The following ERBB4 variants were observed in gnomAD, a reference collection of about 807,000 sequenced individuals.
ERBB4 encodes the protein receptor tyrosine-protein kinase erbB-4.
A neutral mutation model predicts 158.0 loss-of-function variants in ERBB4; 42 were observed. That is an observed-to-expected ratio of 0.27 (90% CI 0.21 to 0.34). ERBB4 has a LOEUF of 0.34. Among genes scored for constraint, ERBB4 ranks in the 10% least tolerant of loss-of-function variants. The pLI is 1.00. For missense variants in ERBB4, 1,333 were observed against 1,624.1 expected, an observed-to-expected ratio of 0.82 and a Z score of 3.08; for synonymous variants, 583 against 558.7, an observed-to-expected ratio of 1.04 and a Z score of -0.61.
chr2:211,472,772 C>T (rs2064859299), intron 20 of ERBB4, among the ~76,000 whole-genome samples: 1 of 152,106 alleles, frequency 6.6e-6, no homozygotes, highest in East Asian at 1.9e-4. Flanking sequence ...CTCAGTGCTT[C>T]TCAAACTTGA....
intron 1 of ERBB4, among the ~76,000 whole-genome samples, chr2:212,267,668 A>C (rs1214185445): frequency 6.9e-6 from 1 of 143,968 alleles, no homozygotes; most frequent in East Asian, 2.0e-4. Context: ...TTACATATGT[A>C]TACATGTGCC....
rs185939550 is a variant in ERBB4, at chr2:212,269,968, G to A, written c.83-145065C>T. ...CTCCGTAGTTTTTTTCTTTACTGTT[G>A]TGTGTGCTTAGTGACTATAGCACAG... On this transcript the variant is annotated intron_variant, in intron 1 of 27. Coordinates refer to ENST00000342788, the MANE Select transcript of ERBB4 (RefSeq NM_005235.3). Among the ~76,000 whole-genome samples the A allele has an allele frequency of 7.9e-5, 12 of 151,662 alleles. No homozygotes were observed. The East Asian group carries it at 1.8e-3, about 22-fold the overall frequency.
intron 1 of ERBB4, among the ~76,000 whole-genome samples, chr2:212,237,919 C>T (rs62182610): frequency 0.15 from 23,500 of 152,150 alleles, 2,242 homozygotes; most frequent in Non-Finnish European, 0.2. Context: ...ATAGCGGACG[C>T]CCCTCCCCCA....
intron 20 of ERBB4, among the ~76,000 whole-genome samples, chr2:211,553,328 G>A (rs2067154068): frequency 6.6e-6 from 1 of 152,054 alleles, no homozygotes; most frequent in Admixed American, 6.5e-5. Context: ...AGCATCCTAG[G>A]AACCTGTGTA....
chr2:211,803,048 C>T (rs1311215851), intron 3 of ERBB4, among the ~76,000 whole-genome samples: 10 of 152,124 alleles, frequency 6.6e-5, no homozygotes, highest in Non-Finnish European at 1.5e-5. Flanking sequence ...ATGTAGACAT[C>T]CTAAAGTGTA....
chr2:211,872,218 G>C (rs1469322354), intron 3 of ERBB4, among the ~76,000 whole-genome samples: 1 of 152,126 alleles, frequency 6.6e-6, no homozygotes, highest in Non-Finnish European at 1.5e-5. Flanking sequence ...GTTAGTATTT[G>C]ATCTTGTTAT....
chr2:211,701,733 G>GT (rs1278953445), intron 12 of ERBB4, among the ~76,000 whole-genome samples: 2 of 138,230 alleles, frequency 1.4e-5, no homozygotes, highest in East Asian at 4.2e-4. Context: ...TCTAGCCTGG[G>GT]GCAACAGAGC....
At chr2:211,603,126 G>A (rs756138866) in intron 19 of ERBB4, among the ~76,000 whole-genome samples, 62 of 152,142 alleles carry the variant, frequency 4.1e-4, no homozygotes, top group Non-Finnish European at 7.8e-4. Context: ...AGCTACTCGG[G>A]AGGCTGAGGC....
intron 2 of ERBB4, among the ~76,000 whole-genome samples, chr2:212,092,792 G>C (rs1314662846): frequency 2.0e-5 from 3 of 152,060 alleles, no homozygotes; most frequent in African/African-American, 7.2e-5. Flanking sequence ...GCAGGGAGGG[G>C]AACATCACAA....
chr2:211,712,573 A>C (rs957541087), intron 8 of ERBB4, among the ~76,000 whole-genome samples: 3 of 152,122 alleles, frequency 2.0e-5, no homozygotes, highest in Non-Finnish European at 4.4e-5. Flanking sequence ...ACTTTAGCAA[A>C]ATGATTTCAT....
intron 3 of ERBB4, among the ~76,000 whole-genome samples, chr2:211,867,578 G>A (rs2078241400): frequency 6.6e-6 from 1 of 152,170 alleles, no homozygotes; most frequent in Non-Finnish European, 1.5e-5. Flanking sequence ...ATATGAATGT[G>A]TATACTCTTA....
At chr2:211,655,349 G>T (rs2071171532) in intron 16 of ERBB4, among the ~76,000 whole-genome samples, 1 of 152,130 alleles carries the variant, frequency 6.6e-6, no homozygotes, top group African/African-American at 2.4e-5. Context: ...TGTACAGAAA[G>T]ATAATAAATA....
intron 3 of ERBB4, among the ~76,000 whole-genome samples, chr2:211,843,578 A>G (rs113936960): frequency 2.6e-5 from 4 of 151,332 alleles, no homozygotes; most frequent in Non-Finnish European, 5.9e-5. Context: ...TCTTCTAAAC[A>G]AGTGATTGGA....
intron 7 of ERBB4, among the ~76,000 whole-genome samples, chr2:211,716,832 T>C (rs2073933755): frequency 6.6e-6 from 1 of 152,152 alleles, no homozygotes; most frequent in Non-Finnish European, 1.5e-5. Context: ...CATAGACAAA[T>C]ACTGAAGTGC....
chr2:212,292,554 T>C (rs75668996), intron 1 of ERBB4, among the ~76,000 whole-genome samples: 2,033 of 152,018 alleles, frequency 0.013, 46 homozygotes, highest in African/African-American at 0.046. Context: ...TTAGTTTAGA[T>C]CTAAAATCAA....
intron 3 of ERBB4, among the ~76,000 whole-genome samples, chr2:211,801,142 G>A (rs2076490054): frequency 6.6e-6 from 1 of 151,926 alleles, no homozygotes; most frequent in Non-Finnish European, 1.5e-5. Context: ...GAAAGCAAAA[G>A]TGCAAAATAT....
chr2:211,422,181 G>A (rs1338129747), intron 23 of ERBB4, 77 bp from the exon 24 acceptor site: 2 of 971,414 alleles, frequency 2.1e-6, no homozygotes, highest in Admixed American at 1.7e-5. Context: ...GTGAAAATAT[G>A]AGCAAAAGTT....
chr2:211,735,582 C>G (rs1038408431), intron 5 of ERBB4, among the ~76,000 whole-genome samples: 1 of 151,962 alleles, frequency 6.6e-6, no homozygotes, highest in African/African-American at 2.4e-5. Flanking sequence ...TTTTAACTAC[C>G]ATGATTGTGA....
At position 212,529,590 on chromosome 2, in the gene ERBB4, C is replaced by A. The variant is rs1012987038; in HGVS notation, c.82+8859G>T. 4.6e-5 allele frequency among the ~76,000 whole-genome samples: 7 copies of A among 152,136 alleles called. 1 individual carries two copies. The highest frequency in any genetic ancestry group is 8.8e-5 in the Non-Finnish European group (6 of 68,016). ...GGTTTAATTACAAATAATAACCATT[C>A]ATGAACGAGCTTAAAATTGTTCCTG... On this transcript the variant is annotated intron_variant, in intron 1 of 27. Transcript: ENST00000342788.
Sources: allele counts gnomAD v4.1 joint callset (sites outside exome capture counted in the v4.1 genomes callset), GRCh38; gene constraint gnomAD v4.1.1; transcripts MANE v1.5; gene names NCBI Gene and HGNC (gene_info 2026-07-23, HGNC 2026-07-21).